Variants in GMPR observed in about 807,000 individuals in gnomAD.
The protein encoded by GMPR is guanosine monophosphate reductase, also known as GMP reductase 1.
A neutral mutation model predicts 38.4 loss-of-function variants in GMPR; 31 were observed. The observed-to-expected ratio is 0.81, with a 90% confidence interval of 0.61 to 1.09. The LOEUF (loss-of-function observed/expected upper bound fraction) is 1.09. Ranked by LOEUF, GMPR falls within the 50% of genes least tolerant of loss-of-function variation. GMPR has a pLI of 0.00. For missense variants in GMPR, 468 were observed against 453.7 expected (o/e 1.03, Z -0.29); for synonymous variants, 162 against 173.3 (o/e 0.93, Z 0.51).
intron 3 of GMPR, among the ~76,000 whole-genome samples, chr6:16,251,363 G>A (rs529664517): frequency 3.9e-5 from 6 of 152,334 alleles, no homozygotes; most frequent in Non-Finnish European, 8.8e-5. Flanking sequence ...CTGAGGTCGG[G>A]AGTTCGAGTC....
rs1233777060 is a variant in GMPR, at chr6:16,282,104, AC to A, written c.654+3217del. Among the ~76,000 whole-genome samples, 4 of 152,216 alleles carry A rather than the reference AC, an allele frequency of 2.6e-5. No individual in the cohort carries two copies. In the East Asian group the frequency reaches 7.7e-4, roughly 29 times the overall value. ...AATTTCCTTCCAGCTGTCCCATTTT[AC>A]CCTTTATTTGCTGAATTAGCACACT... On this transcript the variant is annotated intron_variant, in intron 6 of 8. Transcript: ENST00000259727.
intron 2 of GMPR, among the ~76,000 whole-genome samples, chr6:16,248,134 G>A (rs777000964): frequency 4.2e-4 from 64 of 150,880 alleles, no homozygotes; most frequent in Non-Finnish European, 7.5e-4. Context: ...GGGAGGCTGA[G>A]GTGGGAAGAT....
At chr6:16,247,377 CTT>C (rs539745655) in intron 2 of GMPR, among the ~76,000 whole-genome samples, 15 of 141,672 alleles carry the variant, frequency 1.1e-4, no homozygotes, top group Non-Finnish European at 1.1e-4. Flanking sequence ...TAATGTATTT[CTT>C]TTTTTTTTTT....
In GMPR at chr6:16,295,263, C is replaced by T. The variant is rs1267771913; in HGVS notation, c.*77C>T. 4 of 1,096,152 alleles carry T rather than the reference C, an allele frequency of 3.6e-6. No homozygotes were observed. Among genetic ancestry groups the T allele is most frequent in the East Asian group, 5.8e-5 (2 of 34,296 alleles). The allele number at this position is 1,096,152 out of a possible 1,614,324, so 67.9% of individuals were successfully genotyped here. On this transcript the variant is annotated 3_prime_UTR_variant, in exon 9 of 9. Transcript: ENST00000259727. ...TTCCCATCTCCCCCCAAGTCTGTTC[C>T]GTCAGAGCTTCTGGCTGCTCCTGAA...
At chr6:16,258,314 T>C (rs1759016728) in intron 4 of GMPR, among the ~76,000 whole-genome samples, 1 of 152,138 alleles carries the variant, frequency 6.6e-6, no homozygotes, top group Non-Finnish European at 1.5e-5. Context: ...TGGGGTGTAG[T>C]TCACAGCTGG....
rs574590605 is a variant in GMPR, at chr6:16,248,666, C to T, written c.208-1618C>T. On this transcript the variant is annotated intron_variant, in intron 2 of 8. Transcript: ENST00000259727. ...TTGCATTGTCTGTCAGACCTCAGCC[C>T]CTACTGAGCGTTGGGCCAGAGGCTA... is the stretch of plus-strand genomic sequence containing the variant. 7.6e-4 allele frequency among the ~76,000 whole-genome samples: 116 copies of T among 152,216 alleles called. 1 individual carries two copies. Among genetic ancestry groups the T allele is most frequent in the Non-Finnish European group, 1.4e-3 (95 of 68,012 alleles).
chr6:16,274,068 G>C (rs1045640578), intron 4 of GMPR, among the ~76,000 whole-genome samples: 2 of 152,000 alleles, frequency 1.3e-5, no homozygotes, highest in Non-Finnish European at 2.9e-5. Flanking sequence ...CCTGCTTCGG[G>C]CTCCCAAAGT....
At chr6:16,281,079 C>G (rs1301732301) in intron 6 of GMPR, among the ~76,000 whole-genome samples, 1 of 152,184 alleles carries the variant, frequency 6.6e-6, no homozygotes, top group East Asian at 1.9e-4. Flanking sequence ...CACAGCACCA[C>G]CTAATTTATA....
At chr6:16,287,849 G>A (rs75175757) in intron 7 of GMPR, among the ~76,000 whole-genome samples, 3,159 of 152,286 alleles carry the variant, frequency 0.021, 80 homozygotes, top group African/African-American at 0.065. Flanking sequence ...TCGCCTTTCT[G>A]TCATGCTGAA....
intron 1 of GMPR, among the ~76,000 whole-genome samples, chr6:16,245,212 C>T (rs1428075683): frequency 2.0e-5 from 3 of 152,122 alleles, no homozygotes; most frequent in Non-Finnish European, 2.9e-5. Context: ...GAGAAAGGGA[C>T]GTGCCACTGC....
intron 7 of GMPR, among the ~76,000 whole-genome samples, chr6:16,287,468 T>C (rs1759709952): frequency 6.6e-6 from 1 of 152,162 alleles, no homozygotes; most frequent in Non-Finnish European, 1.5e-5. Context: ...CCTCCTCCAC[T>C]GTCTCTCAGT....
At chr6:16,246,799 A>G (rs1758766117) in intron 1 of GMPR, 43 bp from the exon 2 acceptor site, 24 of 1,488,342 alleles carry the variant, frequency 1.6e-5, no homozygotes, top group Non-Finnish European at 2.1e-5. Context: ...AGAGCAAAGC[A>G]CTCATTTCTT....
chr6:16,239,039 A>G (rs1028797187), intron 1 of GMPR, among the ~76,000 whole-genome samples: 8 of 152,158 alleles, frequency 5.3e-5, no homozygotes, highest in African/African-American at 1.9e-4. Context: ...AAACTCGACC[A>G]CAGATGAGCG....
At chr6:16,240,423 A>G (rs1016048037) in intron 1 of GMPR, among the ~76,000 whole-genome samples, 2 of 152,162 alleles carry the variant, frequency 1.3e-5, no homozygotes, top group African/African-American at 2.4e-5. Flanking sequence ...AGTCCCAGCT[A>G]TTTGGAAGGC....
At chr6:16,251,996 A>G (rs975874057) in intron 3 of GMPR, among the ~76,000 whole-genome samples, 5 of 152,180 alleles carry the variant, frequency 3.3e-5, no homozygotes, top group Non-Finnish European at 5.9e-5. Context: ...TATGATTGGA[A>G]AATGACTTCA....
intron 4 of GMPR, among the ~76,000 whole-genome samples, chr6:16,267,820 A>C (rs1759292595): frequency 6.6e-6 from 1 of 152,202 alleles, no homozygotes; most frequent in South Asian, 2.1e-4. Context: ...GATAGAGGCC[A>C]AGCTCTACTC....
chr6:16,285,687 G>C lies in GMPR; in HGVS notation c.655-106G>C, dbSNP rs1759665646. The C allele has an allele frequency of 8.1e-6, 7 of 861,662 alleles. No homozygotes were observed. The South Asian group carries it at 8.4e-5, about 10-fold the overall frequency. 53.4% of individuals were successfully genotyped at this position (861,662 alleles called of 1,614,324 possible). Reference sequence around the variant, plus strand: ...ACTTGGGCCCGTGGGCTTGCTGGGGGCTGTGGTGGGTCTGAACCCCCAGTC... The same window carrying C: ...ACTTGGGCCCGTGGGCTTGCTGGGGCCTGTGGTGGGTCTGAACCCCCAGTC... On this transcript the variant is annotated intron_variant, in intron 6 of 8. Transcript: ENST00000259727.
chr6:16,293,131 T>A (rs778256948), intron 8 of GMPR, among the ~76,000 whole-genome samples: 1 of 152,228 alleles, frequency 6.6e-6, no homozygotes, highest in South Asian at 2.1e-4. Context: ...CATTGCTGGT[T>A]CTTTCCCAAT....
In GMPR at chr6:16,290,273, C is replaced by G; in HGVS notation, c.698-189C>G. 4.6e-6 allele frequency: 3 copies of G among 653,416 alleles called. 1 individual carries two copies. Among genetic ancestry groups the G allele is most frequent in the South Asian group, 3.6e-5 (2 of 54,798 alleles). 40.5% of individuals were successfully genotyped at this position (653,416 alleles called of 1,614,324 possible). Reference sequence around the variant, plus strand: ...TTTGTTTCTCGCAGTGTCCCATGGCCCTTTCTCCCTGCATGGAAGCCTTCT... The same window carrying G: ...TTTGTTTCTCGCAGTGTCCCATGGCGCTTTCTCCCTGCATGGAAGCCTTCT... On this transcript the variant is annotated intron_variant, in intron 7 of 8. Transcript: ENST00000259727.
Sources: allele counts gnomAD v4.1 joint callset (sites outside exome capture counted in the v4.1 genomes callset), GRCh38; gene constraint gnomAD v4.1.1; transcripts MANE v1.5; gene names NCBI Gene and HGNC (gene_info 2026-07-23, HGNC 2026-07-21).